The following MAGI1 variants were observed in gnomAD, a reference collection of about 807,000 sequenced individuals.
MAGI1 encodes membrane-associated guanylate kinase, WW and PDZ domain-containing protein 1.
Under a neutral mutation model 139.9 loss-of-function variants are expected in MAGI1, and 58 were observed. The observed-to-expected ratio is 0.41, with a 90% CI of 0.34 to 0.52. The LOEUF (loss-of-function observed/expected upper bound fraction) is 0.52. Ranked by LOEUF, MAGI1 falls within the 20% of genes least tolerant of loss-of-function variation. The pLI is 0.12. For missense variants in MAGI1, 1,874 were observed against 1,901.6 expected (o/e 0.99, Z 0.27); for synonymous variants, 812 against 737.9 (o/e 1.10, Z -1.63).
At chr3:65,816,581 C>T (rs916851112) in intron 1 of MAGI1, among the ~76,000 whole-genome samples, 1 of 150,668 alleles carries the variant, frequency 6.6e-6, no homozygotes, top group Non-Finnish European at 1.5e-5. Context: ...TTGACATGAC[C>T]GATTGTCCAA....
intron 1 of MAGI1, among the ~76,000 whole-genome samples, chr3:65,962,597 G>A (rs1346599280): frequency 6.6e-6 from 1 of 151,972 alleles, no homozygotes; most frequent in Non-Finnish European, 1.5e-5. Context: ...CACTTCGGGA[G>A]GCTGAGGTGG....
chr3:65,916,452 G>A (rs924911371), intron 1 of MAGI1, among the ~76,000 whole-genome samples: 17 of 152,134 alleles, frequency 1.1e-4, no homozygotes, highest in Non-Finnish European at 2.2e-4. Context: ...CATGGCAGAA[G>A]GCGAAAGGCA....
intron 8 of MAGI1, among the ~76,000 whole-genome samples, chr3:65,440,479 A>G (rs1273069198): frequency 6.6e-6 from 1 of 152,156 alleles, no homozygotes; most frequent in Non-Finnish European, 1.5e-5. Flanking sequence ...AATAAGAAGT[A>G]GATTAAGGAA....
chr3:65,860,470 AG>A (rs1431163932), intron 1 of MAGI1, among the ~76,000 whole-genome samples: 11 of 152,336 alleles, frequency 7.2e-5, no homozygotes, highest in South Asian at 4.1e-4. Context: ...AGAGTTGATC[AG>A]GGGCATGTCA....
chr3:66,034,750 G>A (rs1346524034), intron 1 of MAGI1, among the ~76,000 whole-genome samples: 1 of 152,128 alleles, frequency 6.6e-6, no homozygotes, highest in Non-Finnish European at 1.5e-5. Context: ...AATAAAAAAA[G>A]AACCAAATGA....
chr3:65,367,057 C>T (rs545755713), intron 18 of MAGI1, among the ~76,000 whole-genome samples: 9 of 152,252 alleles, frequency 5.9e-5, no homozygotes, highest in African/African-American at 4.8e-5. Flanking sequence ...TTCATAAACA[C>T]GTGTATTGGT....
intron 2 of MAGI1, among the ~76,000 whole-genome samples, chr3:65,506,298 T>C (rs1055347674): frequency 6.6e-6 from 1 of 152,188 alleles, no homozygotes; most frequent in East Asian, 1.9e-4. Flanking sequence ...ATGCTTAACC[T>C]GGTCATAATA....
chr3:65,584,940 T>C (rs1364510797), intron 2 of MAGI1, among the ~76,000 whole-genome samples: 1 of 152,200 alleles, frequency 6.6e-6, no homozygotes, highest in Non-Finnish European at 1.5e-5. Context: ...GGGACCTTCA[T>C]ATCCATTGTG....
intron 13 of MAGI1, among the ~76,000 whole-genome samples, chr3:65,400,420 C>T (rs959515039): frequency 6.6e-6 from 1 of 152,244 alleles, no homozygotes; most frequent in South Asian, 2.1e-4. Context: ...TCAGCTGCAG[C>T]GCCGTAAGCC....
At chr3:65,371,347 C>T (rs1941970160) in intron 18 of MAGI1, among the ~76,000 whole-genome samples, 3 of 152,334 alleles carry the variant, frequency 2.0e-5, no homozygotes, top group Middle Eastern at 3.4e-3. Context: ...TTCATGTTCA[C>T]ACTATACTAT....
chr3:65,750,040 G>A (rs2036017171), intron 1 of MAGI1, among the ~76,000 whole-genome samples: 1 of 151,986 alleles, frequency 6.6e-6, no homozygotes, highest in African/African-American at 2.4e-5. Context: ...TGGTGGCCAA[G>A]GCTCTGGTTA....
At chr3:65,793,567 T>A (rs2039926491) in intron 1 of MAGI1, among the ~76,000 whole-genome samples, 1 of 152,208 alleles carries the variant, frequency 6.6e-6, no homozygotes, top group African/African-American at 2.4e-5. Context: ...ATACTCTGGA[T>A]AAATTAAAGA....
chr3:65,579,854 A>G (rs2108116260), intron 2 of MAGI1, among the ~76,000 whole-genome samples: 1 of 151,966 alleles, frequency 6.6e-6, no homozygotes, highest in Non-Finnish European at 1.5e-5. Flanking sequence ...TCTCAAAAAA[A>G]AAAAAAAACT....
At chr3:65,542,552 GATAC>G (rs2079287474) in intron 2 of MAGI1, among the ~76,000 whole-genome samples, 1 of 152,062 alleles carries the variant, frequency 6.6e-6, no homozygotes, top group Non-Finnish European at 1.5e-5. Context: ...GGTACCAAAA[GATAC>G]ATAAACCAAT....
chr3:65,677,996 A>T (rs1221084636), intron 1 of MAGI1, among the ~76,000 whole-genome samples: 1 of 152,226 alleles, frequency 6.6e-6, no homozygotes, highest in Non-Finnish European at 1.5e-5. Context: ...GCAGCCATAC[A>T]AAAGGATGAG....
At chr3:65,964,371 C>T (rs1316904261) in intron 1 of MAGI1, among the ~76,000 whole-genome samples, 1 of 152,190 alleles carries the variant, frequency 6.6e-6, no homozygotes, top group African/African-American at 2.4e-5. Flanking sequence ...CATCTGAAAT[C>T]ACCTTGACAC....
intron 12 of MAGI1, among the ~76,000 whole-genome samples, chr3:65,420,130 T>C (rs1575679377): frequency 6.6e-6 from 1 of 152,056 alleles, no homozygotes; most frequent in Non-Finnish European, 1.5e-5. Flanking sequence ...ACAGGGACTA[T>C]CTGAACACGT....
In MAGI1 at chr3:65,782,941, C is replaced by A. The variant is rs116441054; in HGVS notation, c.314-160853G>T. Among the ~76,000 whole-genome samples the A allele has an allele frequency of 5.9e-3, 895 of 150,840 alleles. 12 individuals carry two copies. Among genetic ancestry groups the A allele is most frequent in the African/African-American group, 0.02 (837 of 41,146 alleles). ...AAAAAGAGAAAAATCAATTTCATGA[C>A]CTTGAGTTAAGCAATGGTTTCTTAG... On this transcript the variant is annotated intron_variant, in intron 1 of 22. Coordinates refer to ENST00000402939, the MANE Select transcript of MAGI1 (RefSeq NM_001033057.2).
chr3:65,782,973 T>C (rs1355316481), intron 1 of MAGI1, among the ~76,000 whole-genome samples: 1 of 148,660 alleles, frequency 6.7e-6, no homozygotes, highest in Non-Finnish European at 1.5e-5. Flanking sequence ...TTAGATATAA[T>C]CCCAAAGCAC....
Sources: allele counts gnomAD v4.1 joint callset (sites outside exome capture counted in the v4.1 genomes callset), GRCh38; gene constraint gnomAD v4.1.1; transcripts MANE v1.5; gene names NCBI Gene and HGNC (gene_info 2026-07-23, HGNC 2026-07-21).